NBDY: variants seen among roughly 807,000 people sequenced by gnomAD.
NBDY encodes the protein P-body dissociating protein.
chrX:56,806,599 G>A (rs1042766828), intron 2 of NBDY, among the ~76,000 whole-genome samples: 7 of 111,982 alleles, frequency 6.3e-5, no homozygotes, highest in Admixed American at 1.9e-4. Flanking sequence ...TATGTTCATT[G>A]GCTGCATAAA....
At chrX:56,764,871 C>T in intron 2 of NBDY, among the ~76,000 whole-genome samples, 1 of 111,531 alleles carries the variant, frequency 9.0e-6, no homozygotes, top group Non-Finnish European at 1.9e-5. Context: ...TCTGTGCCCA[C>T]GCGGTGCAGA....
At chrX:56,788,681 G>A (rs963569493) in intron 2 of NBDY, among the ~76,000 whole-genome samples, 1 of 112,373 alleles carries the variant, frequency 8.9e-6, no homozygotes, top group Non-Finnish European at 1.9e-5. Flanking sequence ...GCCAAGGAGG[G>A]CAAGCTGTAA....
chrX:56,799,036 T>A (rs986595885), intron 2 of NBDY, among the ~76,000 whole-genome samples: 2 of 112,283 alleles, frequency 1.8e-5, no homozygotes, highest in Non-Finnish European at 3.8e-5. Context: ...GCTCATGTGC[T>A]GAGGAACGCT....
intron 2 of NBDY, chrX:56,737,602 A>C (rs1207583907): frequency 6.0e-6 from 3 of 497,680 alleles, no homozygotes; most frequent in Non-Finnish European, 1.0e-5. Flanking sequence ...ATTTTTTTTA[A>C]TCCTTCTTAT....
intron 2 of NBDY, among the ~76,000 whole-genome samples, chrX:56,805,182 C>T (rs2069842722): frequency 8.9e-6 from 1 of 112,339 alleles, no homozygotes; most frequent in African/African-American, 3.2e-5. Flanking sequence ...AATGTGGATC[C>T]TTTTCTCATG....
At chrX:56,759,142 G>A (rs943849360) in intron 2 of NBDY, among the ~76,000 whole-genome samples, 3 of 112,233 alleles carry the variant, frequency 2.7e-5, no homozygotes, top group Non-Finnish European at 5.6e-5. Context: ...TGACCTGCAT[G>A]TGCCAGGACA....
chrX:56,738,108 C>T (rs886667782), intron 2 of NBDY, among the ~76,000 whole-genome samples: 6 of 111,843 alleles, frequency 5.4e-5, no homozygotes, highest in African/African-American at 2.0e-4. Context: ...TATTTTCTTT[C>T]CTTGGTCAAA....
intron 2 of NBDY, among the ~76,000 whole-genome samples, chrX:56,793,746 T>G (rs1394346464): frequency 9.0e-6 from 1 of 110,826 alleles, no homozygotes; most frequent in Non-Finnish European, 1.9e-5. Flanking sequence ...GGCTCATTCT[T>G]AGGATGGCAC....
At chrX:56,784,224 T>C (rs1330122676) in intron 2 of NBDY, among the ~76,000 whole-genome samples, 1 of 112,318 alleles carries the variant, frequency 8.9e-6, no homozygotes, top group Non-Finnish European at 1.9e-5. Context: ...GGTAGCACTC[T>C]TCCTCTTGGG....
At chrX:56,740,103 G>A (rs2069524334) in intron 2 of NBDY, among the ~76,000 whole-genome samples, 1 of 111,428 alleles carries the variant, frequency 9.0e-6, no homozygotes, top group African/African-American at 3.3e-5. Context: ...GCCCATTCAA[G>A]TTGGCTCCCC....
intron 2 of NBDY, among the ~76,000 whole-genome samples, chrX:56,797,918 GACAC>G (rs1389998271): frequency 8.9e-6 from 1 of 111,776 alleles, no homozygotes; most frequent in African/African-American, 3.3e-5. Context: ...CACACATGCA[GACAC>G]ACACACGCAG....
chrX:56,761,934 T>C (rs561303338), intron 2 of NBDY, among the ~76,000 whole-genome samples: 1 of 112,149 alleles, frequency 8.9e-6, no homozygotes, highest in Admixed American at 9.4e-5. Context: ...ATTGGCCTTG[T>C]AGACTAGGGG....
chrX:56,790,065 A>G (rs1180504807), intron 2 of NBDY, among the ~76,000 whole-genome samples: 4 of 111,264 alleles, frequency 3.6e-5, no homozygotes, highest in Admixed American at 9.5e-5. Flanking sequence ...AATGAATGAG[A>G]CAGTCGAGGA....
Position 56,819,083 on chromosome X carries a change from A to T in NBDY, c.*1930A>T, listed in dbSNP as rs927297016. The T allele has an allele frequency of 9.0e-6, 1 of 110,755 alleles. No homozygotes were observed. The highest frequency in any genetic ancestry group is 1.9e-5 in the Non-Finnish European group (1 of 52,919). 9.1% of individuals were successfully genotyped at this position (110,755 alleles called of 1,213,427 possible). ...CCAAAGACTCAAATATAAGGGTTAC[A>T]CTATAAAACTCTTGGGAGGAAATAT... On this transcript the variant is annotated 3_prime_UTR_variant, in exon 3 of 3. Transcript: ENST00000374922.
At position 56,789,243 on chromosome X, in the gene NBDY, G is replaced by T. The variant is rs931350466; in HGVS notation, c.*167-28077G>T. On this transcript the variant is annotated intron_variant, in intron 2 of 2. Transcript: ENST00000374922. ...TTTGGGGGAACCTGCAACAGTAGGA[G>T]GTTCTTTGCCTCCCTCCTTCCCTCT... Among the ~76,000 whole-genome samples, 4 of 112,865 alleles carry T rather than the reference G, an allele frequency of 3.5e-5. No homozygotes were observed. The East Asian group carries it at 1.1e-3, about 32-fold the overall frequency.
intron 2 of NBDY, among the ~76,000 whole-genome samples, chrX:56,790,504 A>G (rs2146732702): frequency 8.9e-6 from 1 of 112,149 alleles, no homozygotes; most frequent in East Asian, 2.8e-4. Flanking sequence ...TCACTTGTCA[A>G]CAAATGCAGA....
At chrX:56,785,128 T>C (rs1255351884) in intron 2 of NBDY, among the ~76,000 whole-genome samples, 1 of 111,043 alleles carries the variant, frequency 9.0e-6, no homozygotes, top group African/African-American at 3.3e-5. Flanking sequence ...GGTGTGGGCC[T>C]GCACTCCCAG....
intron 2 of NBDY, among the ~76,000 whole-genome samples, chrX:56,802,990 G>A (rs1362824597): frequency 9.0e-6 from 1 of 111,282 alleles, no homozygotes; most frequent in Non-Finnish European, 1.9e-5. Context: ...GAGGCCGTCG[G>A]ATTGGAGGGG....
intron 2 of NBDY, among the ~76,000 whole-genome samples, chrX:56,781,831 T>C (rs2069693562): frequency 8.9e-6 from 1 of 111,823 alleles, no homozygotes; most frequent in Non-Finnish European, 1.9e-5. Context: ...CATATTGCCA[T>C]GGGTGGCTGA....
Sources: allele counts gnomAD v4.1 joint callset (sites outside exome capture counted in the v4.1 genomes callset), GRCh38; gene constraint gnomAD v4.1.1; transcripts MANE v1.5; gene names NCBI Gene and HGNC (gene_info 2026-07-23, HGNC 2026-07-21).